CERS3: variants seen among roughly 807,000 people sequenced by gnomAD.
CERS3 encodes the protein ceramide synthase 3.
CERS3 carries 33 observed loss-of-function variants against 50.3 expected under a neutral mutation model. The ratio of observed to expected loss-of-function variants is 0.66; its 90% CI spans 0.50 to 0.88. The LOEUF is 0.88. Ranked by LOEUF, CERS3 falls within the 40% of genes least tolerant of loss-of-function variation. The pLI, the probability that CERS3 is intolerant of heterozygous loss-of-function variation, is 0.00. For synonymous variants in CERS3, 176 were observed against 155.2 expected, an observed-to-expected ratio of 1.13 and a Z score of -0.99; for missense variants, 470 against 460.3, an observed-to-expected ratio of 1.02 and a Z score of -0.19.
At chr15:100,464,638 CTCTG>C (rs1401029937) in intron 10 of CERS3, among the ~76,000 whole-genome samples, 2 of 152,186 alleles carry the variant, frequency 1.3e-5, no homozygotes, top group Non-Finnish European at 2.9e-5. Context: ...CCTAATAACT[CTCTG>C]TGAGTATTTG....
chr15:100,428,442 C>T (rs2032948322), intron 11 of CERS3, among the ~76,000 whole-genome samples: 1 of 152,188 alleles, frequency 6.6e-6, no homozygotes, highest in Admixed American at 6.5e-5. Flanking sequence ...TTCATTCACC[C>T]CAAGGTTCAC....
intron 11 of CERS3, among the ~76,000 whole-genome samples, chr15:100,435,563 G>A (rs1156891168): frequency 6.6e-6 from 1 of 152,152 alleles, no homozygotes; most frequent in East Asian, 1.9e-4. Context: ...ATAGGCATGG[G>A]CAAAGACTTC....
intron 10 of CERS3, among the ~76,000 whole-genome samples, chr15:100,466,855 C>CTTTG (rs1405650901): frequency 7.1e-6 from 1 of 140,298 alleles, no homozygotes; most frequent in Non-Finnish European, 1.5e-5. Context: ...CTCTTTCTCT[C>CTTTG]TTTCTTTCTT....
intron 9 of CERS3, 94 bp from the exon 10 acceptor site, chr15:100,469,578 C>T: frequency 1.1e-6 from 1 of 873,652 alleles, no homozygotes; most frequent in Non-Finnish European, 1.8e-6. Flanking sequence ...CTGGGATTTG[C>T]TTCAAAACAA....
intron 9 of CERS3, 37 bp downstream of exon 9, chr15:100,472,887 T>C (rs372549585): frequency 6.2e-7 from 1 of 1,612,860 alleles, no homozygotes. Context: ...ACCCAGGACA[T>C]GGTATTGTCA....
intron 11 of CERS3, among the ~76,000 whole-genome samples, chr15:100,450,051 A>G (rs1042242754): frequency 2.6e-5 from 4 of 151,578 alleles, no homozygotes; most frequent in African/African-American, 7.3e-5. Context: ...GATCGTAAAA[A>G]AAAGAACCAA....
intron 11 of CERS3, among the ~76,000 whole-genome samples, chr15:100,413,702 C>G (rs188636927): frequency 1.3e-5 from 2 of 149,686 alleles, no homozygotes; most frequent in East Asian, 2.0e-4. Flanking sequence ...AACACTCATA[C>G]ATTTGGTTAG....
intron 1 of CERS3, among the ~76,000 whole-genome samples, chr15:100,539,653 A>T (rs2037153211): frequency 6.6e-6 from 1 of 152,226 alleles, no homozygotes; most frequent in Non-Finnish European, 1.5e-5. Flanking sequence ...AGTTACTTCT[A>T]CCTGGTCTTT....
At chr15:100,496,333 T>C (rs934779319) in intron 3 of CERS3, among the ~76,000 whole-genome samples, 8 of 152,164 alleles carry the variant, frequency 5.3e-5, no homozygotes, top group African/African-American at 1.9e-4. Flanking sequence ...TATATGTATG[T>C]TGAAAGACTA....
chr15:100,454,225 C>T (rs72757292), intron 11 of CERS3, among the ~76,000 whole-genome samples: 23,863 of 151,626 alleles, frequency 0.16, 2,030 homozygotes, highest in Admixed American at 0.24. Flanking sequence ...CCCATCTCTA[C>T]GAAAAATTTT....
upstream of CERS3, among the ~76,000 whole-genome samples, chr15:100,531,267 C>T (rs188474188): frequency 1.3e-5 from 2 of 152,344 alleles, no homozygotes; most frequent in East Asian, 3.9e-4. Flanking sequence ...ACCCCGTCAG[C>T]ATCTGCTGTC....
chr15:100,410,008 A>G (rs1178514756), intron 11 of CERS3, among the ~76,000 whole-genome samples: 1 of 152,322 alleles, frequency 6.6e-6, no homozygotes, highest in Admixed American at 6.5e-5. Context: ...GTTTTCCTAC[A>G]GTAGCCGCCA....
chr15:100,493,591 T>C, intron 3 of CERS3, among the ~76,000 whole-genome samples: 1 of 152,192 alleles, frequency 6.6e-6, no homozygotes, highest in East Asian at 1.9e-4. Context: ...CAGGGAAATT[T>C]TCGGCCATTT....
Position 100,422,987 on chromosome 15 carries a change from G to A in CERS3, c.1000-20122C>T, listed in dbSNP as rs34323276. Reference sequence around the variant, plus strand: ...GTATCCGGAGATATACCTAATGCTAGATGACGAGTTAGTGGGTGCAGCACA... The same window carrying A: ...GTATCCGGAGATATACCTAATGCTAAATGACGAGTTAGTGGGTGCAGCACA... On this transcript the variant is annotated intron_variant, in intron 11 of 11. Transcript: ENST00000679737. 4.0e-3 allele frequency among the ~76,000 whole-genome samples: 602 copies of A among 151,006 alleles called. 5 individuals are homozygous for A. Among genetic ancestry groups the A allele is most frequent in the African/African-American group, 0.013 (546 of 40,998 alleles).
chr15:100,423,609 G>C (rs968944149), intron 11 of CERS3, among the ~76,000 whole-genome samples: 23 of 152,068 alleles, frequency 1.5e-4, no homozygotes, highest in African/African-American at 5.1e-4. Flanking sequence ...GAGGGCGGAG[G>C]GTAGGGGAAA....
chr15:100,519,218 G>A (rs1319733019), intron 2 of CERS3, among the ~76,000 whole-genome samples: 3 of 151,624 alleles, frequency 2.0e-5, no homozygotes, highest in Admixed American at 6.6e-5. Flanking sequence ...TGAATCACAC[G>A]TCCACATTTT....
intron 2 of CERS3, among the ~76,000 whole-genome samples, chr15:100,506,372 G>T (rs138783977): frequency 6.6e-6 from 1 of 152,112 alleles, no homozygotes; most frequent in East Asian, 1.9e-4. Context: ...GAGAGAAATG[G>T]AAGTCACACC....
intron 11 of CERS3, among the ~76,000 whole-genome samples, chr15:100,424,227 C>T (rs2032664205): frequency 1.3e-5 from 2 of 152,134 alleles, no homozygotes; most frequent in African/African-American, 4.8e-5. Flanking sequence ...AGGTGTGAGC[C>T]ACCATGCCTG....
At chr15:100,406,132 T>C (rs962617146) in intron 11 of CERS3, among the ~76,000 whole-genome samples, 6 of 152,308 alleles carry the variant, frequency 3.9e-5, no homozygotes, top group East Asian at 3.9e-4. Context: ...TCCACCCTCA[T>C]TGTGGAAGAT....
Sources: gnomAD v4.1 joint callset for allele counts (sites outside exome capture counted in the v4.1 genomes callset) on GRCh38, gnomAD v4.1.1 for gene constraint, MANE v1.5 for transcripts, NCBI Gene and HGNC (gene_info 2026-07-23, HGNC 2026-07-21) for gene names.